The following ADGRV1 variants were observed in gnomAD, a reference collection of about 807,000 sequenced individuals.
ADGRV1 encodes the protein G-protein coupled receptor 98.
A neutral mutation model predicts 596.2 loss-of-function variants in ADGRV1; 359 were observed. The observed-to-expected ratio is 0.60, with a 90% CI of 0.55 to 0.66. The LOEUF is 0.66. Among genes scored for constraint, ADGRV1 ranks in the 30% least tolerant of loss-of-function variants. The probability of loss-of-function intolerance (pLI) is 0.00; values close to 1 mark genes in which losing one functional copy is unlikely to be tolerated. For synonymous variants in ADGRV1, 2,681 were observed against 2,679.2 expected (o/e 1.00, Z -0.02); for missense variants, 7,274 against 7,575.6 (o/e 0.96, Z 1.48).
chr5:90,653,564 T>C lies in ADGRV1; in HGVS notation c.3990T>C (p.Phe1330=), dbSNP rs1437571873. The C allele has an allele frequency of 2.5e-6, 4 of 1,613,862 alleles. No homozygotes were observed. The African/African-American group carries it at 5.3e-5, about 22-fold the overall frequency. The change falls in exon 20 of 90, where the codon TTT becomes TTC. Residue 1330 remains phenylalanine (F), a synonymous_variant. Transcript: ENST00000405460. ...RHHSGTDALY[F]TGLEGAFGTV... ...ACAGTGGAACGGATGCTTTGTACTT[T>C]ACCGGACTAGAGGGTGCATTTGGGA...
chr5:91,103,516 C>T (rs1297660419), intron 87 of ADGRV1, among the ~76,000 whole-genome samples: 1 of 151,440 alleles, frequency 6.6e-6, no homozygotes. Flanking sequence ...GTCTTGGTCA[C>T]CTTTAGATCC....
At chr5:90,621,213 A>G (rs940156555) in intron 4 of ADGRV1, among the ~76,000 whole-genome samples, 3 of 152,212 alleles carry the variant, frequency 2.0e-5, no homozygotes, top group Non-Finnish European at 4.4e-5. Context: ...TAATTAATAA[A>G]ACACGTTGCA....
intron 87 of ADGRV1, among the ~76,000 whole-genome samples, chr5:91,127,916 A>G (rs910067210): frequency 9.2e-5 from 14 of 152,162 alleles, no homozygotes; most frequent in Admixed American, 5.9e-4. Context: ...TAGTTTTACA[A>G]GTCTTCAGAG....
chr5:90,668,568 C>A (rs1003590807), intron 21 of ADGRV1, among the ~76,000 whole-genome samples: 10 of 152,182 alleles, frequency 6.6e-5, no homozygotes, highest in African/African-American at 2.4e-4. Context: ...AATCACCCGT[C>A]TTCTGCGTTG....
chr5:91,076,019 A>G (rs1470920032), intron 86 of ADGRV1, among the ~76,000 whole-genome samples: 4 of 152,212 alleles, frequency 2.6e-5, no homozygotes, highest in African/African-American at 7.2e-5. Flanking sequence ...CACGTGCTCA[A>G]TAAGTGATAT....
At chr5:90,760,822 G>T (rs1756436978) in intron 58 of ADGRV1, among the ~76,000 whole-genome samples, 1 of 152,126 alleles carries the variant, frequency 6.6e-6, no homozygotes, top group Non-Finnish European at 1.5e-5. Flanking sequence ...CTAAGTATTT[G>T]TGCAGCCATA....
intron 83 of ADGRV1, among the ~76,000 whole-genome samples, chr5:90,934,702 A>G (rs1055030014): frequency 3.3e-5 from 5 of 152,216 alleles, no homozygotes; most frequent in Admixed American, 2.6e-4. Flanking sequence ...CTGCCATAAC[A>G]AAATACAACA....
At chr5:90,929,951 G>GT (rs1453892688) in intron 83 of ADGRV1, among the ~76,000 whole-genome samples, 4 of 151,934 alleles carry the variant, frequency 2.6e-5, no homozygotes, top group Admixed American at 2.0e-4. Flanking sequence ...TTTTAGTTTA[G>GT]TTTTTTATCC....
At chr5:90,921,823 G>C (rs1408876748) in intron 83 of ADGRV1, among the ~76,000 whole-genome samples, 1 of 126,204 alleles carries the variant, frequency 7.9e-6, no homozygotes, top group Non-Finnish European at 1.6e-5. Context: ...TTTTCTACAA[G>C]AGTCTGAGAT....
chr5:91,148,086 C>A (rs576936288), intron 87 of ADGRV1, among the ~76,000 whole-genome samples: 1 of 151,988 alleles, frequency 6.6e-6, no homozygotes, highest in East Asian at 1.9e-4. Flanking sequence ...GGTTATCTGG[C>A]GGAAGAAATT....
intron 1 of ADGRV1, among the ~76,000 whole-genome samples, chr5:90,580,348 T>A (rs1285170181): frequency 6.6e-6 from 1 of 152,196 alleles, no homozygotes; most frequent in African/African-American, 2.4e-5. Flanking sequence ...CTGTAAAACT[T>A]CCTGTTGGGG....
rs1774814466 is a variant in ADGRV1, at chr5:90,928,700, G to C, written c.17857-36715G>C. Reference sequence around the variant, plus strand: ...GGAACTGCGTTCCTTTGGAGGAGGAGAGGCGCTCTGCTTTTTAGAGTTTCC... The same window carrying C: ...GGAACTGCGTTCCTTTGGAGGAGGACAGGCGCTCTGCTTTTTAGAGTTTCC... On this transcript the variant is annotated intron_variant, in intron 83 of 89. Transcript: ENST00000405460. 2.0e-5 allele frequency among the ~76,000 whole-genome samples: 3 copies of C among 150,622 alleles called. No homozygotes were observed. The South Asian group carries it at 6.4e-4, about 32-fold the overall frequency.
intron 84 of ADGRV1, among the ~76,000 whole-genome samples, chr5:90,967,781 G>C (rs898766455): frequency 6.6e-6 from 1 of 152,170 alleles, no homozygotes; most frequent in Non-Finnish European, 1.5e-5. Flanking sequence ...GACATCATCT[G>C]ATGGAAGTTA....
chr5:90,745,822 G>A, intron 52 of ADGRV1, 27 bp downstream of exon 52: 1 of 1,247,540 alleles, frequency 8.0e-7, no homozygotes, highest in South Asian at 1.2e-5. Flanking sequence ...CCCCACACTT[G>A]CAATGCAAAA....
intron 65 of ADGRV1, 90 bp downstream of exon 65, chr5:90,781,668 TGGTGTG>T: frequency 8.1e-7 from 1 of 1,235,192 alleles, no homozygotes; most frequent in Non-Finnish European, 1.1e-6. Context: ...TGTTTTAGTT[TGGTGTG>T]GGTGTGTGTG....
At chr5:91,103,195 A>T (rs2950851) in intron 87 of ADGRV1, among the ~76,000 whole-genome samples, 19,143 of 152,086 alleles carry the variant, frequency 0.13, 1,360 homozygotes, top group African/African-American at 0.2. Context: ...GTTAGATCAT[A>T]GCTTACATGA....
rs183727250 is a variant in ADGRV1 at position 90,906,933 on chromosome 5, C to G, written c.17856+43076C>G. Among the ~76,000 whole-genome samples the G allele has an allele frequency of 3.3e-5, 5 of 152,194 alleles. No homozygotes were observed. In the East Asian group the frequency reaches 9.7e-4, roughly 29 times the overall value. The stretch of plus-strand genomic sequence containing the variant: ...AGTAATAATATACATAATTAATATT[C>G]TGAAGCAATTTGGAGATGCACATCT... On this transcript the variant is annotated intron_variant, in intron 83 of 89. Coordinates refer to ENST00000405460, the MANE Select transcript of ADGRV1 (RefSeq NM_032119.4).
chr5:91,084,980 C>T (rs1789732781), intron 86 of ADGRV1, among the ~76,000 whole-genome samples: 1 of 152,116 alleles, frequency 6.6e-6, no homozygotes, highest in Non-Finnish European at 1.5e-5. Context: ...ATCACAAGGA[C>T]AGAAAAGCAA....
chr5:90,600,153 T>C (rs1017033944), intron 1 of ADGRV1, among the ~76,000 whole-genome samples: 4 of 152,168 alleles, frequency 2.6e-5, no homozygotes, highest in Non-Finnish European at 5.9e-5. Context: ...GAGCATCACA[T>C]ATATATTTTT....
Sources: allele counts gnomAD v4.1 joint callset (sites outside exome capture counted in the v4.1 genomes callset), GRCh38; gene constraint gnomAD v4.1.1; transcripts MANE v1.5; gene names NCBI Gene and HGNC (gene_info 2026-07-23, HGNC 2026-07-21).